The following ELMO1 variants were observed in gnomAD, a reference collection of about 807,000 sequenced individuals.
The protein encoded by ELMO1 is engulfment and cell motility 1.
ELMO1 carries 26 observed loss-of-function variants against 98.9 expected under a neutral mutation model. That is an observed-to-expected ratio of 0.26 (90% CI 0.19 to 0.36). ELMO1 has a LOEUF of 0.36. Among genes scored for constraint, ELMO1 ranks in the 10% least tolerant of loss-of-function variants. The pLI, the probability that ELMO1 is intolerant of heterozygous loss-of-function variation, is 1.00. For missense variants in ELMO1, 627 were observed against 935.2 expected (o/e 0.67, Z 4.30); for synonymous variants, 346 against 346.0 (o/e 1.00, Z 0.00).
intron 15 of ELMO1, among the ~76,000 whole-genome samples, chr7:37,053,044 T>G (rs914808927): frequency 1.3e-5 from 2 of 152,180 alleles, no homozygotes; most frequent in Non-Finnish European, 2.9e-5. Context: ...CTGAAAGTAC[T>G]TTTGTCAGAT....
At chr7:36,952,240 G>GA (rs1043615365) in intron 16 of ELMO1, among the ~76,000 whole-genome samples, 32 of 152,182 alleles carry the variant, frequency 2.1e-4, no homozygotes, top group African/African-American at 7.7e-4. Context: ...GATTTGAAAG[G>GA]AATCAGTCAA....
rs542784353 is a variant in ELMO1, at chr7:37,093,758, T to A, written c.1300+2861A>T. 3.9e-5 allele frequency among the ~76,000 whole-genome samples: 6 copies of A among 152,354 alleles called. No individual in the cohort carries two copies. The South Asian group carries it at 1.0e-3, about 26-fold the overall frequency. On this transcript the variant is annotated intron_variant, in intron 15 of 21. Coordinates refer to ENST00000310758, the MANE Select transcript of ELMO1 (RefSeq NM_014800.11). ...ATCAGAAAGTAACAATCCTTAATATTTTATGAGCAGAAAACAACTCATCTG... is the reference window on the plus strand; with the variant it reads ...ATCAGAAAGTAACAATCCTTAATATATTATGAGCAGAAAACAACTCATCTG...
intron 5 of ELMO1, among the ~76,000 whole-genome samples, chr7:37,264,726 C>A (rs1400638465): frequency 6.6e-6 from 1 of 152,146 alleles, no homozygotes; most frequent in Non-Finnish European, 1.5e-5. Context: ...GGAAAGGGTT[C>A]TGGACCCAGA....
chr7:36,955,953 A>T (rs1422414442), intron 16 of ELMO1, among the ~76,000 whole-genome samples: 1 of 152,170 alleles, frequency 6.6e-6, no homozygotes, highest in African/African-American at 2.4e-5. Flanking sequence ...CTAACTCAAC[A>T]GGGCTACTGG....
intron 20 of ELMO1, among the ~76,000 whole-genome samples, chr7:36,862,411 C>T (rs148855492): frequency 5.9e-5 from 9 of 152,222 alleles, no homozygotes; most frequent in Non-Finnish European, 1.2e-4. Context: ...TGAAAACCTA[C>T]GGAGTGCACG....
rs1249866635 is a variant in ELMO1, at chr7:36,925,442, C to A, written c.1438-30425G>T. On this transcript the variant is annotated intron_variant, in intron 16 of 21. Transcript: ENST00000310758. ...GCTGGCTGCTGCACAGAAGATAAGA[C>A]CTTAATTTATGAAAGGATGCTATTC... 6.4e-4 allele frequency among the ~76,000 whole-genome samples: 98 copies of A among 152,076 alleles called. 2 individuals carry two copies. Among genetic ancestry groups the A allele is most frequent in the Non-Finnish European group, 1.2e-4 (8 of 68,014 alleles).
intron 16 of ELMO1, among the ~76,000 whole-genome samples, chr7:36,948,105 T>C (rs1787657454): frequency 6.6e-6 from 1 of 152,162 alleles, no homozygotes; most frequent in Non-Finnish European, 1.5e-5. Flanking sequence ...AATAGATAAG[T>C]GGTGAAAAAC....
chr7:37,195,432 C>T (rs6955621), intron 13 of ELMO1, among the ~76,000 whole-genome samples: 29,488 of 152,178 alleles, frequency 0.19, 3,209 homozygotes, highest in Middle Eastern at 0.28. Context: ...TGGCATGATC[C>T]GTTACTATCA....
Position 36,989,283 on chromosome 7 carries a change from A to G in ELMO1, c.1437+24016T>C, listed in dbSNP as rs569107597. Among the ~76,000 whole-genome samples, 20 of 152,348 alleles carry G rather than the reference A, an allele frequency of 1.3e-4. No homozygotes were observed. In the South Asian group the frequency reaches 4.1e-3, roughly 32 times the overall value. ...GAAATAACAACAACAACAAAAAAGT[A>G]GCAGAGCCAGGATTTGAATCAAGGG... On this transcript the variant is annotated intron_variant, in intron 16 of 21. Coordinates refer to ENST00000310758, the MANE Select transcript of ELMO1 (RefSeq NM_014800.11).
intron 15 of ELMO1, among the ~76,000 whole-genome samples, chr7:37,060,387 CTGAG>C (rs202206635): frequency 0.014 from 2,143 of 152,258 alleles, 19 homozygotes; most frequent in Middle Eastern, 0.044. Context: ...GGCCGGTATC[CTGAG>C]TGAATTAACC....
At chr7:37,220,932 A>G (rs1313560412) in intron 10 of ELMO1, among the ~76,000 whole-genome samples, 3 of 152,114 alleles carry the variant, frequency 2.0e-5, no homozygotes, top group Non-Finnish European at 4.4e-5. Flanking sequence ...CAGCAGAAGG[A>G]CCCCGTTGCT....
intron 15 of ELMO1, among the ~76,000 whole-genome samples, chr7:37,016,275 G>A (rs756644171): frequency 3.9e-5 from 6 of 152,124 alleles, no homozygotes; most frequent in South Asian, 2.1e-4. Flanking sequence ...TAGATAATTC[G>A]TTGGGTACAT....
intron 1 of ELMO1, among the ~76,000 whole-genome samples, chr7:37,410,843 TA>T (rs972203521): frequency 6.6e-6 from 1 of 152,208 alleles, no homozygotes; most frequent in African/African-American, 2.4e-5. Context: ...AAAGAGTTTT[TA>T]GCTAACTAAA....
chr7:36,917,461 G>C (rs1443926135), intron 16 of ELMO1, among the ~76,000 whole-genome samples: 2 of 152,140 alleles, frequency 1.3e-5, no homozygotes, highest in Non-Finnish European at 2.9e-5. Flanking sequence ...TAGAAAAATA[G>C]AGAATTGGAT....
At chr7:37,363,392 C>T (rs1485289075) in intron 1 of ELMO1, among the ~76,000 whole-genome samples, 1 of 152,210 alleles carries the variant, frequency 6.6e-6, no homozygotes, top group Non-Finnish European at 1.5e-5. Flanking sequence ...TGGCTCCCCA[C>T]TGCTCTCAAG....
chr7:37,241,484 T>A (rs1343217696), intron 7 of ELMO1, among the ~76,000 whole-genome samples: 5 of 152,202 alleles, frequency 3.3e-5, no homozygotes, highest in Non-Finnish European at 7.4e-5. Flanking sequence ...TTCATTGAGC[T>A]GCTTAGTCTA....
At position 37,240,467 on chromosome 7, in the gene ELMO1, T is replaced by C. The variant is rs375627297; in HGVS notation, c.449+3889A>G. ...TAATAAATATTTGGCTTTAATTTTC[T>C]GTATTATTTGCCTGTTTCCTATTTC... On this transcript the variant is annotated intron_variant, in intron 7 of 21. Coordinates refer to ENST00000310758, the MANE Select transcript of ELMO1 (RefSeq NM_014800.11). 4.6e-4 allele frequency among the ~76,000 whole-genome samples: 70 copies of C among 152,202 alleles called. 1 individual carries two copies. Among genetic ancestry groups the C allele is most frequent in the African/African-American group, 1.4e-3 (60 of 41,452 alleles).
intron 14 of ELMO1, among the ~76,000 whole-genome samples, chr7:37,119,463 C>T (rs77752963): frequency 1.3e-5 from 2 of 152,194 alleles, no homozygotes; most frequent in East Asian, 1.9e-4. Context: ...CCTGTCCCAA[C>T]CATTAGTTAG....
At chr7:37,331,267 T>G (rs1800091961) in intron 2 of ELMO1, among the ~76,000 whole-genome samples, 1 of 151,480 alleles carries the variant, frequency 6.6e-6, no homozygotes, top group Non-Finnish European at 1.5e-5. Context: ...CCTCCCGGGT[T>G]CACACCATTC....
Sources: allele counts gnomAD v4.1 joint callset (sites outside exome capture counted in the v4.1 genomes callset), GRCh38; gene constraint gnomAD v4.1.1; transcripts MANE v1.5; gene names NCBI Gene and HGNC (gene_info 2026-07-23, HGNC 2026-07-21).